SND1: variants seen among roughly 807,000 people sequenced by gnomAD.
SND1 encodes the protein staphylococcal nuclease domain-containing protein 1.
Under a neutral mutation model 121.7 loss-of-function variants are expected in SND1, and 38 were observed. That is an observed-to-expected ratio of 0.31 (90% confidence interval 0.24 to 0.41). SND1 has a LOEUF of 0.41. SND1 is among the 10% of genes least tolerant of loss of function. SND1 has a pLI of 1.00. For missense variants in SND1, 868 were observed against 1,184.6 expected, an observed-to-expected ratio of 0.73 and a Z score of 3.92; for synonymous variants, 401 against 447.4, an observed-to-expected ratio of 0.90 and a Z score of 1.31.
At chr7:127,994,193 C>G (rs762126316) in intron 16 of SND1, among the ~76,000 whole-genome samples, 3 of 152,158 alleles carry the variant, frequency 2.0e-5, no homozygotes, top group Non-Finnish European at 4.4e-5. Context: ...CATAATGCTG[C>G]TTTCCTTAAA....
intron 9 of SND1, among the ~76,000 whole-genome samples, chr7:127,713,101 A>G (rs1347519554): frequency 6.6e-6 from 1 of 152,248 alleles, no homozygotes; most frequent in Non-Finnish European, 1.5e-5. Context: ...AAAGGACCAC[A>G]TTGTAAATAT....
chr7:127,786,275 C>T (rs1797810163), intron 10 of SND1, among the ~76,000 whole-genome samples: 1 of 152,058 alleles, frequency 6.6e-6, no homozygotes, highest in Non-Finnish European at 1.5e-5. Flanking sequence ...AAATTGATCG[C>T]TATGTATTTT....
At chr7:127,784,192 C>G (rs1797772694) in intron 10 of SND1, among the ~76,000 whole-genome samples, 1 of 152,206 alleles carries the variant, frequency 6.6e-6, no homozygotes, top group Non-Finnish European at 1.5e-5. Context: ...TTTTGGCTCA[C>G]TGTTTCAAGT....
chr7:127,921,608 C>A (rs1267665371), intron 14 of SND1, among the ~76,000 whole-genome samples: 1 of 152,080 alleles, frequency 6.6e-6, no homozygotes, highest in Non-Finnish European at 1.5e-5. Flanking sequence ...AAAATGTTCT[C>A]ATTTTTAGCA....
At chr7:127,688,416 G>C (rs1038599638) in intron 2 of SND1, among the ~76,000 whole-genome samples, 3 of 151,962 alleles carry the variant, frequency 2.0e-5, no homozygotes, top group Non-Finnish European at 4.4e-5. Context: ...TGTCAGAAAT[G>C]AAATTTCTGG....
intron 9 of SND1, among the ~76,000 whole-genome samples, 165 bp from the exon 10 acceptor site, chr7:127,721,122 A>G (rs1156527697): frequency 1.3e-5 from 2 of 152,204 alleles, no homozygotes; most frequent in Non-Finnish European, 2.9e-5. Context: ...ACTGATAATT[A>G]TAGCATAGTT....
At chr7:128,021,119 AT>A (rs1554457679) in intron 16 of SND1, among the ~76,000 whole-genome samples, 6 of 152,226 alleles carry the variant, frequency 3.9e-5, no homozygotes, top group Non-Finnish European at 5.9e-5. Flanking sequence ...TTGGAAGAAT[AT>A]GCAGTCGTGT....
At chr7:128,004,620 T>C (rs1802916029) in intron 16 of SND1, among the ~76,000 whole-genome samples, 2 of 152,252 alleles carry the variant, frequency 1.3e-5, no homozygotes, top group Admixed American at 1.3e-4. Context: ...CTAAAGAGAA[T>C]CTGTCCCAGA....
intron 15 of SND1, among the ~76,000 whole-genome samples, chr7:127,954,262 T>C (rs1296834327): frequency 6.6e-6 from 1 of 152,008 alleles, no homozygotes; most frequent in Non-Finnish European, 1.5e-5. Flanking sequence ...AACAGTGGGG[T>C]TTTGTATGGA....
At chr7:127,856,670 T>C (rs1373280251) in intron 12 of SND1, among the ~76,000 whole-genome samples, 1 of 152,218 alleles carries the variant, frequency 6.6e-6, no homozygotes, top group East Asian at 1.9e-4. Context: ...TGCTTACATA[T>C]AAACTGGGAT....
chr7:127,794,719 T>A (rs1797982775), intron 10 of SND1, among the ~76,000 whole-genome samples: 2 of 152,212 alleles, frequency 1.3e-5, no homozygotes, highest in South Asian at 4.1e-4. Context: ...TTCATCTGGC[T>A]TGGTGCCTGT....
At chr7:127,906,496 G>A (rs529185396) in intron 14 of SND1, among the ~76,000 whole-genome samples, 1 of 152,204 alleles carries the variant, frequency 6.6e-6, no homozygotes, top group East Asian at 1.9e-4. Context: ...CAAATTTTTG[G>A]TGGTTCCTCA....
intron 12 of SND1, among the ~76,000 whole-genome samples, chr7:127,863,596 T>C (rs1357752340): frequency 6.6e-6 from 1 of 152,164 alleles, no homozygotes. Context: ...CGTAAAACAA[T>C]AGCTAACTTT....
intron 21 of SND1, among the ~76,000 whole-genome samples, chr7:128,087,783 T>C (rs1022010147): frequency 6.6e-6 from 1 of 151,982 alleles, no homozygotes; most frequent in African/African-American, 2.4e-5. Context: ...TGTTAGGAAG[T>C]GCTGGGGTCC....
chr7:127,669,999 ATTT>A (rs765413422), intron 1 of SND1, among the ~76,000 whole-genome samples: 2 of 143,818 alleles, frequency 1.4e-5, no homozygotes, highest in Non-Finnish European at 1.5e-5. Context: ...ACTAATTCTA[ATTT>A]TTTTTTTTTT....
In SND1 at chr7:127,980,258, G is replaced by A. The variant is rs1296369821; in HGVS notation, c.1670-10689G>A. ...CTCCCAAGTAGCTGGGACTACAGGC[G>A]CCCGCCACTACGCCCGGCTAATTTT... On this transcript the variant is annotated intron_variant, in intron 15 of 23. Coordinates refer to ENST00000354725, the MANE Select transcript of SND1 (RefSeq NM_014390.4). Among the ~76,000 whole-genome samples the A allele has an allele frequency of 8.8e-5, 5 of 57,010 alleles. 2 individuals carry two copies. The highest frequency in any genetic ancestry group is 8.8e-5 in the Non-Finnish European group (3 of 33,990). 37.4% of individuals were successfully genotyped at this position (57,010 alleles called of 152,430 possible).
chr7:127,773,550 A>G (rs1797556476), intron 10 of SND1, among the ~76,000 whole-genome samples: 1 of 152,090 alleles, frequency 6.6e-6, no homozygotes, highest in South Asian at 2.1e-4. Context: ...GAAAAAAAAA[A>G]GAAAAGGAAA....
In SND1 at chr7:127,782,896, C is replaced by T. The variant is rs116972568; in HGVS notation, c.1153-24588C>T. On this transcript the variant is annotated intron_variant, in intron 10 of 23. Coordinates refer to ENST00000354725, the MANE Select transcript of SND1 (RefSeq NM_014390.4). ...AGAAATGCTGAAGACTACAACTGCC[C>T]AGCAAGTGAAGCATTATCTTCCTCC... 6.6e-5 allele frequency among the ~76,000 whole-genome samples: 10 copies of T among 152,294 alleles called. No homozygotes were observed. In the East Asian group the frequency reaches 1.9e-3, roughly 29 times the overall value.
chr7:127,992,664 T>TA (rs1802547621), intron 16 of SND1, among the ~76,000 whole-genome samples: 1 of 152,242 alleles, frequency 6.6e-6, no homozygotes, highest in Non-Finnish European at 1.5e-5. Flanking sequence ...GTCTTCCTAC[T>TA]GTTTCACATC....
Sources: gnomAD v4.1 joint callset for allele counts (sites outside exome capture counted in the v4.1 genomes callset) on GRCh38, gnomAD v4.1.1 for gene constraint, MANE v1.5 for transcripts, NCBI Gene and HGNC (gene_info 2026-07-23, HGNC 2026-07-21) for gene names.